LY75: variants seen among roughly 807,000 people sequenced by gnomAD.
LY75 encodes lymphocyte antigen 75.
Under a neutral mutation model 231.7 loss-of-function variants are expected in LY75, and 185 were observed. The ratio of observed to expected loss-of-function variants is 0.80; its 90% CI spans 0.71 to 0.90. The LOEUF (loss-of-function observed/expected upper bound fraction) is 0.90, where lower values mean the gene tolerates loss of function less well. Among genes scored for constraint, LY75 ranks in the 40% least tolerant of loss-of-function variants. The probability of loss-of-function intolerance (pLI) is 0.00; values close to 1 mark genes in which losing one functional copy is unlikely to be tolerated. For synonymous variants in LY75, 668 were observed against 689.0 expected (o/e 0.97, Z 0.48); for missense variants, 1,947 against 2,050.2 (o/e 0.95, Z 0.97).
chr2:159,900,860 A>G (rs1686054321), intron 1 of LY75, among the ~76,000 whole-genome samples: 1 of 151,518 alleles, frequency 6.6e-6, no homozygotes, highest in Non-Finnish European at 1.5e-5. Context: ...TTTTTTTGAG[A>G]TGGAGTCTTG....
intron 3 of LY75, among the ~76,000 whole-genome samples, chr2:159,891,815 G>A (rs1236355815): frequency 6.6e-6 from 1 of 152,120 alleles, no homozygotes; most frequent in Non-Finnish European, 1.5e-5. Context: ...CACTGATCTG[G>A]GCCTTCTGCC....
In LY75 at chr2:159,892,908, A is replaced by C. The variant is rs1252300271; in HGVS notation, c.637+1006T>G. Among the ~76,000 whole-genome samples the C allele has an allele frequency of 1.3e-5, 2 of 152,098 alleles. 1 individual carries two copies. Among genetic ancestry groups the C allele is most frequent in the Non-Finnish European group, 2.9e-5 (2 of 68,016 alleles). ...CACCAATTTTGAGCCAGGAAGATCTATCTCTTCTCTTTCCCGCTCTTTGCT... is the reference window on the plus strand; with the variant it reads ...CACCAATTTTGAGCCAGGAAGATCTCTCTCTTCTCTTTCCCGCTCTTTGCT... On this transcript the variant is annotated intron_variant, in intron 3 of 34. Transcript: ENST00000263636.
Position 159,834,170 on chromosome 2 carries a change from A to G in LY75, c.3715T>C (p.Cys1239Arg), listed in dbSNP as rs760183484. 1.2e-6 allele frequency: 2 copies of G among 1,614,064 alleles called. No individual in the cohort carries two copies. The highest frequency in any genetic ancestry group is 1.1e-5 in the South Asian group (1 of 91,080). The part of the protein sequence containing the change: ...KEVKPVDSVK[C>R]PSPVLNTPWI... ...GGAGTATTTAGAACAGGAGATGGAC[A>G]TTTAACACTGTCAACTGGTTTGACC... The change falls in exon 27 of 35, where the codon TGT becomes CGT. Residue 1239 changes from cysteine (C) to arginine (R), a missense_variant. Coordinates refer to ENST00000263636, the MANE Select transcript of LY75 (RefSeq NM_002349.4).
At chr2:159,822,625 G>T (rs1000420298) in intron 28 of LY75, among the ~76,000 whole-genome samples, 1 of 152,222 alleles carries the variant, frequency 6.6e-6, no homozygotes, top group Non-Finnish European at 1.5e-5. Flanking sequence ...TCTGCTAAGG[G>T]TCAGACTGCC....
intron 32 of LY75, among the ~76,000 whole-genome samples, chr2:159,809,930 G>A (rs189486997): frequency 2.0e-5 from 3 of 152,024 alleles, no homozygotes; most frequent in African/African-American, 4.8e-5. Context: ...CTCCCACCTC[G>A]GCCTCCCAAA....
chr2:159,867,901 A>G (rs2125864957), intron 13 of LY75, among the ~76,000 whole-genome samples: 1 of 152,326 alleles, frequency 6.6e-6, no homozygotes, highest in East Asian at 1.9e-4. Flanking sequence ...TCACTGAAAT[A>G]CAAATAGAGA....
At chr2:159,899,340 C>G (rs1269672212) in intron 1 of LY75, among the ~76,000 whole-genome samples, 1 of 152,176 alleles carries the variant, frequency 6.6e-6, no homozygotes, top group Non-Finnish European at 1.5e-5. Flanking sequence ...AACCTCTGTG[C>G]TCCAGTTTTC....
chr2:159,847,999 G>A (rs574911015), intron 23 of LY75, among the ~76,000 whole-genome samples: 10 of 150,236 alleles, frequency 6.7e-5, no homozygotes, highest in African/African-American at 2.2e-4. Flanking sequence ...AATCCAATTC[G>A]CAATTATAAA....
intron 25 of LY75, among the ~76,000 whole-genome samples, chr2:159,837,727 A>G (rs1369243782): frequency 6.6e-6 from 1 of 151,892 alleles, no homozygotes; most frequent in Non-Finnish European, 1.5e-5. Flanking sequence ...ATTCTCAGAT[A>G]CCACAGGACT....
At chr2:159,825,771 G>A (rs1385409655) in intron 28 of LY75, among the ~76,000 whole-genome samples, 1 of 152,074 alleles carries the variant, frequency 6.6e-6, no homozygotes, top group Non-Finnish European at 1.5e-5. Context: ...GGATCAAGTC[G>A]GCTTCATATC....
intron 13 of LY75, 37 bp from the exon 14 acceptor site, chr2:159,864,957 G>A: frequency 6.4e-7 from 1 of 1,559,566 alleles, no homozygotes; most frequent in Non-Finnish European, 8.7e-7. Context: ...ACAGGACAAT[G>A]CTTGGCAAAA....
intron 15 of LY75, 54 bp downstream of exon 15, chr2:159,860,767 A>G: frequency 6.3e-7 from 1 of 1,599,374 alleles, no homozygotes; most frequent in Non-Finnish European, 8.6e-7. Context: ...ACTTGACTGC[A>G]TATGATGATG....
chr2:159,883,743 G>A (rs765623123), intron 6 of LY75, among the ~76,000 whole-genome samples: 1 of 152,006 alleles, frequency 6.6e-6, no homozygotes. Context: ...TTGTTGTATG[G>A]ACTAAATTTG....
rs756232697 is a variant in LY75, at chr2:159,816,860, T to A, written c.4326A>T (p.Glu1442Asp). 2.5e-6 allele frequency: 4 copies of A among 1,614,084 alleles called. No homozygotes were observed. In the African/African-American group the frequency reaches 4.0e-5, roughly 16 times the overall value. ...GAAATCCATCACGTTTTACAATATC[T>A]TCCAGAAAGAGCTGGCCATTTTGGT... is the stretch of plus-strand genomic sequence containing the variant. ...VHNQNGQLFLEDIVKRDGFPL... is the reference protein window; with the variant it reads ...VHNQNGQLFLDDIVKRDGFPL... Residue 1442 changes from glutamate to aspartate, a missense_variant, in exon 30 of 35, where the codon GAA (glutamate) becomes GAT (aspartate). Transcript: ENST00000263636.
chr2:159,850,626 T>G (rs1454286762), intron 21 of LY75, 159 bp from the exon 22 acceptor site: 2 of 499,880 alleles, frequency 4.0e-6, no homozygotes, highest in Non-Finnish European at 5.2e-6. Context: ...ATGCTCTCAT[T>G]AATTATTTAA....
intron 4 of LY75, among the ~76,000 whole-genome samples, chr2:159,889,523 T>C (rs1397718): frequency 0.87 from 132,991 of 152,174 alleles, 59,673 homozygotes; most frequent in East Asian, 1. Flanking sequence ...CCACCGCACC[T>C]GGCCAATTCC....
Position 159,887,862 on chromosome 2 carries a change from G to A in LY75, c.803-1332C>T, listed in dbSNP as rs148997076. Among the ~76,000 whole-genome samples, 15 of 152,170 alleles carry A rather than the reference G, an allele frequency of 9.9e-5. No homozygotes were observed. In the East Asian group the frequency reaches 2.5e-3, roughly 25 times the overall value. Reference sequence around the variant, plus strand: ...AAAGAAAACTGATGCATAAAGAATCGTGCAACATTTGATTGTCACACTTTG... The same window carrying A: ...AAAGAAAACTGATGCATAAAGAATCATGCAACATTTGATTGTCACACTTTG... On this transcript the variant is annotated intron_variant, in intron 4 of 34. Coordinates refer to ENST00000263636, the MANE Select transcript of LY75 (RefSeq NM_002349.4).
chr2:159,850,025 G>A lies in LY75; in HGVS notation c.3105C>T (p.Asn1035=), dbSNP rs770704217. 8 of 1,613,920 alleles carry A rather than the reference G, an allele frequency of 5.0e-6. No homozygotes were observed. Among genetic ancestry groups the A allele is most frequent in the Non-Finnish European group, 6.8e-6 (8 of 1,179,906 alleles). ...WTDNRELTYS[N]FHPLLVSGRL... ...TCCCACTAACCAATAATGGGTGAAA[G>A]TTACTGTACGTCAGCTCTCTGTTAT... The change falls in exon 23 of 35, where the codon AAC becomes AAT. Residue 1035 remains asparagine, a synonymous_variant. Transcript: ENST00000263636.
chr2:159,899,668 G>C (rs1160408126), intron 1 of LY75, among the ~76,000 whole-genome samples: 1 of 152,208 alleles, frequency 6.6e-6, no homozygotes, highest in African/African-American at 2.4e-5. Flanking sequence ...GGGCAAGTTA[G>C]TGGGGCCACT....
Sources: allele counts gnomAD v4.1 joint callset (sites outside exome capture counted in the v4.1 genomes callset), GRCh38; gene constraint gnomAD v4.1.1; transcripts MANE v1.5; gene names NCBI Gene and HGNC (gene_info 2026-07-23, HGNC 2026-07-21).